Variants in FRAS1 observed in about 807,000 individuals in gnomAD.
The protein encoded by FRAS1 is Fraser extracellular matrix complex subunit 1, also known as extracellular matrix organizing protein FRAS1.
FRAS1 carries 290 observed loss-of-function variants against 435.2 expected under a neutral mutation model. The ratio of observed to expected loss-of-function variants is 0.67; its 90% confidence interval spans 0.61 to 0.73. The LOEUF (loss-of-function observed/expected upper bound fraction) is 0.73. FRAS1 is among the 30% of genes least tolerant of loss of function. The probability of loss-of-function intolerance (pLI) is 0.00; values close to 1 mark genes in which losing one functional copy is unlikely to be tolerated. For missense variants in FRAS1, 4,860 were observed against 5,001.5 expected (o/e 0.97, Z 0.85); for synonymous variants, 1,800 against 1,851.0 (o/e 0.97, Z 0.71).
chr4:78,513,142 T>C (rs542513178), intron 64 of FRAS1, among the ~76,000 whole-genome samples: 1 of 147,716 alleles, frequency 6.8e-6, no homozygotes, highest in Non-Finnish European at 1.5e-5. Context: ...TCTTTTCCTG[T>C]ATAGAAAAAA....
In FRAS1 at chr4:78,057,627, G is replaced by A. The variant is rs1739530018; in HGVS notation, c.-383G>A. Reference sequence around the variant, plus strand: ...CCAGGATTTCCACTGTCGGGGACCCGGGATCGGAAGGGTCTAGCCCGAGGG... The same window carrying A: ...CCAGGATTTCCACTGTCGGGGACCCAGGATCGGAAGGGTCTAGCCCGAGGG... On this transcript the variant is annotated 5_prime_UTR_variant, in exon 1 of 74. Transcript: ENST00000512123. This position sits in a 1 kb window ranked among gnomAD's most constrained non-coding sequence, Gnocchi z 4.2. 8.6e-6 allele frequency: 2 copies of A among 232,550 alleles called. No individual in the cohort carries two copies. Among genetic ancestry groups the A allele is most frequent in the Non-Finnish European group, 8.3e-6 (1 of 120,200 alleles). The allele number at this position is 232,550 out of a possible 1,614,324, so 14.4% of individuals were successfully genotyped here.
chr4:78,142,402 A>T (rs1720232032), intron 2 of FRAS1, among the ~76,000 whole-genome samples: 1 of 151,960 alleles, frequency 6.6e-6, no homozygotes, highest in Non-Finnish European at 1.5e-5. Flanking sequence ...TATCTCTGAT[A>T]CCTTTTCATT....
chr4:78,282,751 T>G (rs1727389952), intron 11 of FRAS1, 69 bp from the exon 12 acceptor site: 2 of 1,575,160 alleles, frequency 1.3e-6, no homozygotes. Context: ...TTGTAAGTTC[T>G]TCAGCAGCAA....
chr4:78,202,858 T>C (rs1227195965), intron 2 of FRAS1, among the ~76,000 whole-genome samples: 2 of 152,248 alleles, frequency 1.3e-5, no homozygotes, highest in African/African-American at 4.8e-5. Flanking sequence ...TGACTGGCCC[T>C]GTGGCCAGGA....
intron 70 of FRAS1, among the ~76,000 whole-genome samples, chr4:78,529,429 A>T (rs1366179058): frequency 1.3e-5 from 2 of 152,198 alleles, no homozygotes; most frequent in Non-Finnish European, 2.9e-5. Context: ...GAACATTACC[A>T]GTACTCCTTC....
intron 47 of FRAS1, among the ~76,000 whole-genome samples, chr4:78,463,712 C>T (rs1719438702): frequency 2.6e-5 from 4 of 152,182 alleles, no homozygotes; most frequent in Admixed American, 2.0e-4. Flanking sequence ...AAGACAATGG[C>T]TCTACCTTTC....
At chr4:78,084,547 G>A (rs929167027) in intron 2 of FRAS1, among the ~76,000 whole-genome samples, 3 of 152,032 alleles carry the variant, frequency 2.0e-5, no homozygotes, top group African/African-American at 4.8e-5. Flanking sequence ...ATTAGTTGCT[G>A]GTAATATTCT....
chr4:78,477,711 C>A, intron 54 of FRAS1, 104 bp from the exon 55 acceptor site: 1 of 1,406,520 alleles, frequency 7.1e-7, no homozygotes, highest in East Asian at 2.4e-5. Flanking sequence ...TCAGTCAGTG[C>A]TCTGCCCACT....
At chr4:78,447,664 A>G (rs896983099) in intron 43 of FRAS1, among the ~76,000 whole-genome samples, 5 of 152,174 alleles carry the variant, frequency 3.3e-5, no homozygotes, top group Non-Finnish European at 7.3e-5. Context: ...GCATATTCTC[A>G]TCTCTGCCTC....
chr4:78,395,537 G>A (rs778727505), intron 29 of FRAS1, among the ~76,000 whole-genome samples: 10 of 151,902 alleles, frequency 6.6e-5, no homozygotes, highest in Admixed American at 3.3e-4. Flanking sequence ...GTATCTAGGT[G>A]TGCTAATGTT....
At chr4:78,374,336 A>G (rs1731671097) in intron 25 of FRAS1, 85 bp downstream of exon 25, 4 of 1,336,636 alleles carry the variant, frequency 3.0e-6, no homozygotes, top group Non-Finnish European at 4.1e-6. Flanking sequence ...ATCCAAGAAT[A>G]CTTAAATTAG....
intron 29 of FRAS1, 99 bp downstream of exon 29, chr4:78,387,800 G>A (rs1300125971): frequency 1.3e-6 from 1 of 786,866 alleles, no homozygotes; most frequent in African/African-American, 1.7e-5. Context: ...GATATGGGTA[G>A]TCATTCACTT....
At chr4:78,371,031 C>T (rs1333549279) in intron 23 of FRAS1, among the ~76,000 whole-genome samples, 2 of 149,910 alleles carry the variant, frequency 1.3e-5, no homozygotes, top group African/African-American at 5.0e-5. Context: ...AATTCTACTT[C>T]GTTGTCAACT....
intron 18 of FRAS1, among the ~76,000 whole-genome samples, chr4:78,331,329 C>T (rs1578257203): frequency 7.2e-6 from 1 of 139,580 alleles, no homozygotes; most frequent in South Asian, 2.1e-4. Context: ...GACCTCAGTT[C>T]AGGAGCAGAG....
At chr4:78,315,315 A>G (rs1055514502) in intron 15 of FRAS1, among the ~76,000 whole-genome samples, 1 of 152,188 alleles carries the variant, frequency 6.6e-6, no homozygotes, top group African/African-American at 2.4e-5. Context: ...AGGCCATTTT[A>G]ACTTTAAACC....
At chr4:78,302,518 T>C (rs443107) in intron 14 of FRAS1, among the ~76,000 whole-genome samples, 55,863 of 151,848 alleles carry the variant, frequency 0.37, 11,522 homozygotes, top group African/African-American at 0.52. Context: ...CCAGCACCTG[T>C]TGTTTCCTGA....
At chr4:78,297,020 C>G (rs1176734277) in intron 14 of FRAS1, among the ~76,000 whole-genome samples, 1 of 152,184 alleles carries the variant, frequency 6.6e-6, no homozygotes, top group African/African-American at 2.4e-5. Context: ...ACAAGAGCTT[C>G]TTATTGAAAA....
Position 78,387,753 on chromosome 4 carries a change from T to A in FRAS1, c.3975+52T>A, listed in dbSNP as rs1732277730. Reference sequence around the variant, plus strand: ...TTCTTTGCACCTAGATGTGAACTTCTACGGTTGATATTATTTTATGATACT... The same window carrying A: ...TTCTTTGCACCTAGATGTGAACTTCAACGGTTGATATTATTTTATGATACT... On this transcript the variant is annotated intron_variant, in intron 29 of 73. Coordinates refer to ENST00000512123, the MANE Select transcript of FRAS1 (RefSeq NM_025074.7). 4 of 1,178,132 alleles carry A rather than the reference T, an allele frequency of 3.4e-6. No individual in the cohort carries two copies. In the South Asian group the frequency reaches 7.5e-5, roughly 22 times the overall value. 73.0% of individuals were successfully genotyped at this position (1,178,132 alleles called of 1,614,324 possible).
chr4:78,154,718 T>G (rs1424911714), intron 2 of FRAS1, among the ~76,000 whole-genome samples: 3 of 152,182 alleles, frequency 2.0e-5, no homozygotes, highest in Non-Finnish European at 4.4e-5. Context: ...TTTAATCCCT[T>G]GAGGGAAAAA....
Sources: gnomAD v4.1 joint callset for allele counts (sites outside exome capture counted in the v4.1 genomes callset) on GRCh38, gnomAD v4.1.1 for gene constraint, Gnocchi (gnomAD v3.1) non-coding constraint, MANE v1.5 for transcripts, NCBI Gene and HGNC (gene_info 2026-07-23, HGNC 2026-07-21) for gene names.